LRRC4C: variants seen among roughly 807,000 people sequenced by gnomAD.
LRRC4C encodes the protein leucine-rich repeat-containing protein 4C.
Under a neutral mutation model 33.6 loss-of-function variants are expected in LRRC4C, and 5 were observed. The ratio of observed to expected loss-of-function variants is 0.15; its 90% CI spans 0.08 to 0.31. LRRC4C has a LOEUF of 0.31. Ranked by LOEUF, LRRC4C falls within the 10% of genes least tolerant of loss-of-function variation. The pLI is 1.00. For synonymous variants in LRRC4C, 329 were observed against 302.0 expected, an observed-to-expected ratio of 1.09 and a Z score of -0.93; for missense variants, 560 against 796.7, an observed-to-expected ratio of 0.70 and a Z score of 3.58.
chr11:40,187,560 C>T (rs984466553), intron 5 of LRRC4C, among the ~76,000 whole-genome samples: 24 of 152,008 alleles, frequency 1.6e-4, no homozygotes, highest in Non-Finnish European at 2.4e-4. Context: ...AAGCACCACA[C>T]GATATTGGCA....
intron 2 of LRRC4C, among the ~76,000 whole-genome samples, chr11:40,763,797 A>C (rs1406525119): frequency 1.3e-5 from 2 of 152,196 alleles, no homozygotes; most frequent in Non-Finnish European, 2.9e-5. Context: ...TGTCCATTTC[A>C]GTAGTCAGAA....
At chr11:41,135,775 A>G (rs1943230458) in intron 1 of LRRC4C, among the ~76,000 whole-genome samples, 1 of 152,200 alleles carries the variant, frequency 6.6e-6, no homozygotes, top group Non-Finnish European at 1.5e-5. Flanking sequence ...TGTGTAATGG[A>G]ATAATACCAA....
intron 3 of LRRC4C, among the ~76,000 whole-genome samples, chr11:40,515,070 C>T (rs959946407): frequency 6.6e-6 from 1 of 152,052 alleles, no homozygotes; most frequent in Non-Finnish European, 1.5e-5. Context: ...TTTGAATTTA[C>T]TCTAGATTCA....
intron 1 of LRRC4C, among the ~76,000 whole-genome samples, chr11:41,353,645 C>T (rs1296653685): frequency 2.6e-5 from 4 of 152,102 alleles, no homozygotes; most frequent in Non-Finnish European, 5.9e-5. Flanking sequence ...AAATGGAATC[C>T]AGCAGCACAT....
At chr11:40,277,272 A>T (rs1943176497) in intron 4 of LRRC4C, among the ~76,000 whole-genome samples, 1 of 152,158 alleles carries the variant, frequency 6.6e-6, no homozygotes, top group South Asian at 2.1e-4. Context: ...AGAAAACAGT[A>T]AGGCCTCCTT....
intron 2 of LRRC4C, among the ~76,000 whole-genome samples, chr11:40,703,346 T>A (rs528415729): frequency 6.6e-6 from 1 of 152,154 alleles, no homozygotes; most frequent in Non-Finnish European, 1.5e-5. Flanking sequence ...TTTTTCCATC[T>A]ACATAAAAAA....
At chr11:41,364,700 C>T (rs578243486) in intron 1 of LRRC4C, among the ~76,000 whole-genome samples, 4 of 152,258 alleles carry the variant, frequency 2.6e-5, no homozygotes, top group South Asian at 4.2e-4. Flanking sequence ...GTTTTTACTT[C>T]GACTTGCTCA....
chr11:41,069,476 A>G (rs1411828814), intron 1 of LRRC4C, among the ~76,000 whole-genome samples: 3 of 152,214 alleles, frequency 2.0e-5, no homozygotes, highest in Non-Finnish European at 2.9e-5. Context: ...AAGGAAGTCA[A>G]ATTGTCTGTT....
chr11:40,994,920 C>G (rs1474377053), intron 1 of LRRC4C, among the ~76,000 whole-genome samples: 1 of 151,946 alleles, frequency 6.6e-6, no homozygotes, highest in Non-Finnish European at 1.5e-5. Flanking sequence ...ATGTAATCAA[C>G]AGGACCAGAA....
intron 1 of LRRC4C, among the ~76,000 whole-genome samples, chr11:41,424,830 T>G (rs1050461531): frequency 3.9e-5 from 6 of 152,104 alleles, no homozygotes; most frequent in African/African-American, 1.4e-4. Context: ...CCAAGGAATA[T>G]AGATACTTCT....
At chr11:40,646,655 G>A (rs982724923) in intron 3 of LRRC4C, among the ~76,000 whole-genome samples, 3 of 152,070 alleles carry the variant, frequency 2.0e-5, no homozygotes, top group Admixed American at 1.3e-4. Context: ...CGCCCAGGCC[G>A]GACTGCAGTG....
chr11:40,249,777 A>G (rs1866632311), intron 4 of LRRC4C, among the ~76,000 whole-genome samples: 1 of 151,946 alleles, frequency 6.6e-6, no homozygotes, highest in African/African-American at 2.4e-5. Context: ...TCCTTCAAAG[A>G]TCCATTCATA....
At chr11:41,150,787 T>TAAATA (rs145554538) in intron 1 of LRRC4C, among the ~76,000 whole-genome samples, 44 of 148,658 alleles carry the variant, frequency 3.0e-4, no homozygotes, top group African/African-American at 8.1e-4. Flanking sequence ...AATAAATAAA[T>TAAATA]AAATAAAATA....
chr11:40,259,166 A>G (rs1288178245), intron 4 of LRRC4C, among the ~76,000 whole-genome samples: 1 of 152,160 alleles, frequency 6.6e-6, no homozygotes, highest in East Asian at 1.9e-4. Flanking sequence ...GCACTCTTAA[A>G]AATACCCATC....
intron 1 of LRRC4C, among the ~76,000 whole-genome samples, chr11:41,090,420 T>A (rs903883632): frequency 4.6e-5 from 7 of 151,914 alleles, no homozygotes; most frequent in African/African-American, 9.7e-5. Context: ...GCACTGCATT[T>A]AAAAAAAATA....
At chr11:41,030,384 T>G (rs1280420618) in intron 1 of LRRC4C, among the ~76,000 whole-genome samples, 1 of 151,780 alleles carries the variant, frequency 6.6e-6, no homozygotes, top group Non-Finnish European at 1.5e-5. Context: ...CTTCTGAAAT[T>G]TTGCATTTGA....
intron 4 of LRRC4C, among the ~76,000 whole-genome samples, chr11:40,265,826 T>C (rs1314498194): frequency 6.6e-6 from 1 of 152,208 alleles, no homozygotes; most frequent in East Asian, 1.9e-4. Flanking sequence ...TCACGGTGAT[T>C]TGAGTTGCTG....
At position 40,363,113 on chromosome 11, in the gene LRRC4C, T is replaced by C. The variant is rs540201124; in HGVS notation, c.-269-43392A>G. Among the ~76,000 whole-genome samples the C allele has an allele frequency of 7.2e-5, 11 of 152,256 alleles. No individual in the cohort carries two copies. In the South Asian group the frequency reaches 2.3e-3, roughly 32 times the overall value. ...TATAAGGACACATGCATGCATATGT[T>C]CATTGCAGCACTATTTACAGTAGCA... On this transcript the variant is annotated intron_variant, in intron 3 of 6. Coordinates refer to ENST00000528697, the MANE Select transcript of LRRC4C (RefSeq NM_001258419.2).
intron 2 of LRRC4C, among the ~76,000 whole-genome samples, chr11:40,820,409 T>A (rs1220588675): frequency 6.6e-6 from 1 of 151,888 alleles, no homozygotes; most frequent in Non-Finnish European, 1.5e-5. Flanking sequence ...TCACAGTAGA[T>A]TAGATGTGGC....
Sources: gnomAD v4.1 joint callset for allele counts (sites outside exome capture counted in the v4.1 genomes callset) on GRCh38, gnomAD v4.1.1 for gene constraint, MANE v1.5 for transcripts, NCBI Gene and HGNC (gene_info 2026-07-23, HGNC 2026-07-21) for gene names.